SETBP1: variants seen among roughly 807,000 people sequenced by gnomAD.
SETBP1 encodes the protein SET binding protein 1.
In SETBP1, 9 loss-of-function variants were observed where a neutral mutation model predicts 101.0. The ratio of observed to expected loss-of-function variants is 0.09; its 90% CI spans 0.05 to 0.16. SETBP1 has a LOEUF of 0.16. Ranked by LOEUF, SETBP1 falls within the 10% of genes least tolerant of loss-of-function variation. SETBP1 has a pLI of 1.00. For synonymous variants in SETBP1, 818 were observed against 788.5 expected (o/e 1.04, Z -0.63); for missense variants, 1,858 against 2,033.8 (o/e 0.91, Z 1.66).
chr18:44,774,104 C>T (rs767784633), intron 2 of SETBP1, among the ~76,000 whole-genome samples: 54 of 152,272 alleles, frequency 3.5e-4, no homozygotes, highest in African/African-American at 1.3e-3. Flanking sequence ...AAGATTTATA[C>T]ACCAATTCCT....
intron 5 of SETBP1, among the ~76,000 whole-genome samples, chr18:45,055,619 T>G (rs1250131447): frequency 6.6e-6 from 1 of 152,222 alleles, no homozygotes; most frequent in Non-Finnish European, 1.5e-5. Context: ...TCAGTTTGTT[T>G]CAATACTTGT....
chr18:44,874,961 G>A (rs1418524996), intron 3 of SETBP1, among the ~76,000 whole-genome samples: 3 of 152,202 alleles, frequency 2.0e-5, no homozygotes, highest in Non-Finnish European at 2.9e-5. Flanking sequence ...CTGAAGCAGG[G>A]CAGGGGCTGT....
At chr18:44,871,529 T>C (rs1229015302) in intron 3 of SETBP1, 2 of 151,982 alleles carry the variant, frequency 1.3e-5, no homozygotes, top group Non-Finnish European at 2.9e-5. Flanking sequence ...AATGTAGAGG[T>C]TTTCTGTTTG....
chr18:44,936,035 T>C (rs1209002776), intron 3 of SETBP1, among the ~76,000 whole-genome samples: 2 of 152,200 alleles, frequency 1.3e-5, no homozygotes, highest in Non-Finnish European at 2.9e-5. Flanking sequence ...AGCTAAAACA[T>C]TTTTAAAACT....
intron 2 of SETBP1, among the ~76,000 whole-genome samples, chr18:44,822,328 G>C (rs2055343729): frequency 6.6e-6 from 1 of 152,178 alleles, no homozygotes; most frequent in Admixed American, 6.5e-5. Flanking sequence ...AAGTTTCTGA[G>C]AGTGACCATG....
At chr18:44,906,331 C>T (rs2070174674) in intron 3 of SETBP1, among the ~76,000 whole-genome samples, 1 of 152,172 alleles carries the variant, frequency 6.6e-6, no homozygotes, top group African/African-American at 2.4e-5. Context: ...GTCCTAGCAG[C>T]CACTAAAGTG....
At chr18:44,960,963 A>G (rs183801559) in intron 4 of SETBP1, among the ~76,000 whole-genome samples, 2 of 152,354 alleles carry the variant, frequency 1.3e-5, no homozygotes, top group Admixed American at 6.5e-5. Context: ...GGTGATTCCA[A>G]TGTATTGCCT....
Position 44,950,397 on chromosome 18 carries a change from G to A in SETBP1, c.1057G>A (p.Asp353Asn), listed in dbSNP as rs753850680. The change falls in exon 4 of 6, where the codon GAT (aspartate) becomes AAT (asparagine). Residue 353 changes from aspartate (D) to asparagine (N), a missense_variant. Asp to Asn is a conservative substitution (Grantham distance 23, BLOSUM62 1). This residue lies in a region of SETBP1 where 581 missense variants were observed against 535.1 expected (regional missense o/e 1.09). Coordinates refer to ENST00000649279, the MANE Select transcript of SETBP1 (RefSeq NM_015559.3). ...TCAGACCATACCAAACCCAGACCTG[G>A]ATTGGGTCAAGAATGCCCAGAAAGC... is the stretch of plus-strand genomic sequence containing the variant. The part of the protein sequence containing the change: ...ISQTIPNPDL[D>N]WVKNAQKAFD... 1.2e-6 allele frequency: 2 copies of A among 1,614,018 alleles called. No individual in the cohort carries two copies. Among genetic ancestry groups the A allele is most frequent in the African/African-American group, 1.3e-5 (1 of 74,954 alleles).
intron 4 of SETBP1, among the ~76,000 whole-genome samples, chr18:44,978,830 C>T (rs940779123): frequency 1.3e-5 from 2 of 152,130 alleles, no homozygotes; most frequent in Admixed American, 6.5e-5. Flanking sequence ...TTAAAAGCTA[C>T]AGGACGTGAT....
intron 2 of SETBP1, among the ~76,000 whole-genome samples, chr18:44,735,562 A>G (rs1298478241): frequency 6.6e-6 from 1 of 152,218 alleles, no homozygotes; most frequent in African/African-American, 2.4e-5. Context: ...AAGACTAAAC[A>G]TTAAGAAGAG....
At chr18:44,708,232 C>T (rs938053184) in intron 2 of SETBP1, among the ~76,000 whole-genome samples, 17 of 152,192 alleles carry the variant, frequency 1.1e-4, no homozygotes, top group Admixed American at 6.5e-5. Flanking sequence ...ATTTTGTCAG[C>T]ACTTTCTCTG....
intron 2 of SETBP1, among the ~76,000 whole-genome samples, chr18:44,796,260 T>C (rs1214562295): frequency 6.6e-6 from 1 of 152,230 alleles, no homozygotes; most frequent in Non-Finnish European, 1.5e-5. Context: ...AGGATTATGA[T>C]TCCTTCCAGA....
chr18:44,704,989 A>G (rs1568099629), intron 2 of SETBP1, among the ~76,000 whole-genome samples: 2 of 152,100 alleles, frequency 1.3e-5, no homozygotes, highest in Non-Finnish European at 1.5e-5. Context: ...AGTGATTCCT[A>G]CTAGGGAGTC....
chr18:44,896,893 T>C (rs1027821656), intron 3 of SETBP1, among the ~76,000 whole-genome samples: 1 of 152,222 alleles, frequency 6.6e-6, no homozygotes, highest in Admixed American at 6.5e-5. Flanking sequence ...TACTCTGTAC[T>C]CTTTGATTAC....
At chr18:45,038,434 T>G in intron 4 of SETBP1, 51 bp from the exon 5 acceptor site, 1 of 1,552,270 alleles carries the variant, frequency 6.4e-7, no homozygotes, top group African/African-American at 1.4e-5. Context: ...ATGTTGTCTA[T>G]CTTCCTGTTC....
At chr18:44,723,273 A>G (rs1186300735) in intron 2 of SETBP1, among the ~76,000 whole-genome samples, 1 of 152,186 alleles carries the variant, frequency 6.6e-6, no homozygotes, top group Non-Finnish European at 1.5e-5. Context: ...TGCTGCTTTC[A>G]TCTCTTCAGA....
rs769537458 is a variant in SETBP1, at chr18:44,952,758, G to T, written c.3418G>T (p.Ala1140Ser). Residue 1140 changes from alanine (A) to serine (S), a missense_variant, in exon 4 of 6, where the codon GCC (alanine) becomes TCC (serine). Physicochemically the swap from Ala to Ser is moderately conservative, Grantham distance 99. Coordinates refer to ENST00000649279, the MANE Select transcript of SETBP1 (RefSeq NM_015559.3). ...TCTGAACCCTCCCAAGGTAGGCAGT[G>T]CCAGTCTGTCCAGTGGTCGGCTCCA... is the stretch of plus-strand genomic sequence containing the variant. ...PSLNPPKVGS[A>S]SLSSGRLHKR... is the part of the protein sequence containing the mutation. The T allele has an allele frequency of 3.1e-6, 5 of 1,613,982 alleles. No homozygotes were observed. Among genetic ancestry groups the T allele is most frequent in the Non-Finnish European group, 4.2e-6 (5 of 1,180,024 alleles).
intron 5 of SETBP1, among the ~76,000 whole-genome samples, chr18:45,046,464 G>C (rs1379709543): frequency 6.6e-6 from 1 of 152,172 alleles, no homozygotes; most frequent in African/African-American, 2.4e-5. Context: ...CCCTTAGTTA[G>C]TCCTCCAGCG....
chr18:44,832,427 C>G (rs368444077), intron 2 of SETBP1, among the ~76,000 whole-genome samples: 1 of 152,210 alleles, frequency 6.6e-6, no homozygotes, highest in African/African-American at 2.4e-5. Context: ...GCCCCTGGCT[C>G]TCTGACCACT....
Sources: allele counts gnomAD v4.1 joint callset (sites outside exome capture counted in the v4.1 genomes callset), GRCh38; gene constraint gnomAD v4.1.1; regional missense constraint gnomAD v4.1.1; transcripts MANE v1.5; gene names NCBI Gene and HGNC (gene_info 2026-07-23, HGNC 2026-07-21).